Variants in SLC6A3 observed in about 807,000 individuals in gnomAD.
SLC6A3 encodes the protein solute carrier family 6 member 3, also known as sodium-dependent dopamine transporter.
A neutral mutation model predicts 70.4 loss-of-function variants in SLC6A3; 19 were observed. That is an observed-to-expected ratio of 0.27 (90% CI 0.19 to 0.40). The LOEUF is 0.40. Among genes scored for constraint, SLC6A3 ranks in the 10% least tolerant of loss-of-function variants. SLC6A3 has a pLI of 1.00. For missense variants in SLC6A3, 613 were observed against 838.5 expected (o/e 0.73, Z 3.32); for synonymous variants, 368 against 356.6 (o/e 1.03, Z -0.36).
At position 1,404,803 on chromosome 5, in the gene SLC6A3, C is replaced by T. The variant is rs190438788; in HGVS notation, c.1599+1385G>A. Among the ~76,000 whole-genome samples the T allele has an allele frequency of 3.9e-5, 6 of 152,338 alleles. No individual in the cohort carries two copies. The highest frequency in any genetic ancestry group is 2.6e-4 in the Admixed American group (4 of 15,310). On this transcript the variant is annotated intron_variant, in intron 12 of 14. Coordinates refer to ENST00000270349, the MANE Select transcript of SLC6A3 (RefSeq NM_001044.5). The surrounding 1 kb of genome is among the most constrained non-coding windows in gnomAD (Gnocchi z 5.2). ...AACTTGGCAAAATGAAGTCCTGTTT[C>T]GTATAGTTTGTAGTTTTATCTAAAA...
At chr5:1,425,676 T>C (rs1174872221) in intron 4 of SLC6A3, among the ~76,000 whole-genome samples, 1 of 152,184 alleles carries the variant, frequency 6.6e-6, no homozygotes, top group Non-Finnish European at 1.5e-5. Context: ...CATCAAAATT[T>C]AAAACTTTTG....
rs553916462 is a variant in SLC6A3, at chr5:1,435,266, T to A, written c.419-2568A>T. On this transcript the variant is annotated intron_variant, in intron 3 of 14. Coordinates refer to ENST00000270349, the MANE Select transcript of SLC6A3 (RefSeq NM_001044.5). ...GCCAGGTTGGGAGCCACACTGTCGGTGAGCCACATTGTTTCCAGAGAGCAC... is the reference window on the plus strand; with the variant it reads ...GCCAGGTTGGGAGCCACACTGTCGGAGAGCCACATTGTTTCCAGAGAGCAC... Among the ~76,000 whole-genome samples, 170 of 152,322 alleles carry A rather than the reference T, an allele frequency of 1.1e-3. 2 individuals are homozygous for A. Among genetic ancestry groups the A allele is most frequent in the Middle Eastern group, 3.4e-3 (1 of 294 alleles).
At position 1,406,096 on chromosome 5, in the gene SLC6A3, C is replaced by T; in HGVS notation, c.1599+92G>A. ...AGGCCCCTGACTCCAGCCACAGTGA[C>T]AACCCACATGCGGGCGCTGGACCTC... On this transcript the variant is annotated intron_variant, in intron 12 of 14. Coordinates refer to ENST00000270349, the MANE Select transcript of SLC6A3 (RefSeq NM_001044.5). The surrounding 1 kb of genome is among the most constrained non-coding windows in gnomAD (Gnocchi z 8.8). 1 of 901,842 alleles carries T rather than the reference C, an allele frequency of 1.1e-6. No homozygotes were observed. The highest frequency in any genetic ancestry group is 1.9e-6 in the Non-Finnish European group (1 of 535,644). 55.9% of individuals were successfully genotyped at this position (901,842 alleles called of 1,614,324 possible). A position where few individuals can be genotyped will look rare whatever the true frequency, so the allele number is the denominator to read the frequency against.
chr5:1,415,966 G>T, intron 7 of SLC6A3, 132 bp downstream of exon 7: 1 of 725,790 alleles, frequency 1.4e-6, no homozygotes, highest in Non-Finnish European at 2.5e-6. Context: ...CTGTCTGAAA[G>T]GCCACGCAGC....
chr5:1,416,694 C>T (rs190999831), intron 6 of SLC6A3: 22 of 264,522 alleles, frequency 8.3e-5, no homozygotes, highest in Admixed American at 1.0e-4. Flanking sequence ...CATCCACACA[C>T]GGCATGACCG....
rs551874212 is a variant in SLC6A3 at position 1,422,899 on chromosome 5, G to A, written c.654-885C>T. Among the ~76,000 whole-genome samples the A allele has an allele frequency of 4.0e-3, 251 of 62,890 alleles. 10 individuals are homozygous for A. Among genetic ancestry groups the A allele is most frequent in the African/African-American group, 0.016 (227 of 13,834 alleles). 41.3% of individuals were successfully genotyped at this position (62,890 alleles called of 152,430 possible). Reference sequence around the variant, plus strand: ...CTGGGTGCCCACCGCTGCCCACAGTGCTGCCCATGGTGCTGGGTACCCACC... The same window carrying A: ...CTGGGTGCCCACCGCTGCCCACAGTACTGCCCATGGTGCTGGGTACCCACC... On this transcript the variant is annotated intron_variant, in intron 4 of 14. Coordinates refer to ENST00000270349, the MANE Select transcript of SLC6A3 (RefSeq NM_001044.5).
chr5:1,435,577 C>T (rs751308510), intron 3 of SLC6A3, among the ~76,000 whole-genome samples: 10 of 152,264 alleles, frequency 6.6e-5, no homozygotes, highest in Non-Finnish European at 1.0e-4. Flanking sequence ...ACTGGCCACA[C>T]TGGCTGATGC....
chr5:1,443,294 G>A (rs1208012018), intron 1 of SLC6A3, 52 bp from the exon 2 acceptor site: 116 of 1,402,002 alleles, frequency 8.3e-5, no homozygotes, highest in Middle Eastern at 2.1e-4. Flanking sequence ...CAATTCAGCA[G>A]CCAGGGCTAG....
intron 6 of SLC6A3, among the ~76,000 whole-genome samples, chr5:1,416,807 C>T (rs1756307232): frequency 6.6e-6 from 1 of 152,024 alleles, no homozygotes; most frequent in African/African-American, 2.4e-5. Flanking sequence ...CCACACACAA[C>T]ATGACCGCAG....
At chr5:1,434,926 C>T (rs183107831) in intron 3 of SLC6A3, among the ~76,000 whole-genome samples, 5 of 152,294 alleles carry the variant, frequency 3.3e-5, no homozygotes, top group African/African-American at 1.2e-4. Context: ...CGGGTAATCC[C>T]CCTTGGAAAG....
intron 6 of SLC6A3, chr5:1,416,568 CGG>C: frequency 2.6e-6 from 1 of 389,084 alleles, no homozygotes. Flanking sequence ...CGGAACAGCA[CGG>C]CCTCATCTAC....
chr5:1,404,590 C>G lies in SLC6A3; in HGVS notation c.1600-1501G>C, dbSNP rs1368314073. On this transcript the variant is annotated intron_variant, in intron 12 of 14. Coordinates refer to ENST00000270349, the MANE Select transcript of SLC6A3 (RefSeq NM_001044.5). The surrounding 1 kb of genome is among the most constrained non-coding windows in gnomAD (Gnocchi z 5.2). ...CTGCCACAGAGTCATCTGAACGAGACTGGGGCGTGTACACCCCTTACGACC... is the reference window on the plus strand; with the variant it reads ...CTGCCACAGAGTCATCTGAACGAGAGTGGGGCGTGTACACCCCTTACGACC... Among the ~76,000 whole-genome samples the G allele has an allele frequency of 6.6e-6, 1 of 152,238 alleles. No homozygotes were observed. The highest frequency in any genetic ancestry group is 1.5e-5 in the Non-Finnish European group (1 of 68,044).
intron 5 of SLC6A3, 118 bp from the exon 6 acceptor site, chr5:1,420,821 C>A (rs1756418478): frequency 1.9e-6 from 2 of 1,078,148 alleles, no homozygotes. Flanking sequence ...AGGCCCAATT[C>A]CCAAACATTT....
rs557205326 is a variant in SLC6A3 at position 1,394,738 on chromosome 5, C to A, written c.1860G>T (p.Val620=). ...RQFTLRHWLK[V] is the part of the protein sequence containing the mutation. ...GGGGTCTTCGTCTCTGCTCCCTCTA[C>A]ACCTTGAGCCAGTGGCGGAGCTGGA... is the stretch of plus-strand genomic sequence containing the variant. Residue 620 remains valine, a synonymous_variant, in exon 15 of 15, where the codon GTG becomes GTT. Coordinates refer to ENST00000270349, the MANE Select transcript of SLC6A3 (RefSeq NM_001044.5). This position sits in a 1 kb window ranked among gnomAD's most constrained non-coding sequence, Gnocchi z 4.7. 6.2e-7 allele frequency: 1 copy of A among 1,614,154 alleles called. No individual in the cohort carries two copies. The highest frequency in any genetic ancestry group is 1.1e-5 in the South Asian group (1 of 91,088).
Position 1,401,185 on chromosome 5 carries a change from C to G in SLC6A3, c.1768-199G>C, listed in dbSNP as rs527935703. On this transcript the variant is annotated intron_variant, in intron 13 of 14. Coordinates refer to ENST00000270349, the MANE Select transcript of SLC6A3 (RefSeq NM_001044.5). The surrounding 1 kb of genome is among the most constrained non-coding windows in gnomAD (Gnocchi z 6.1). ...ACTGCCAGTGCCCATGCCGACCAGA[C>G]AGCCAGTCAGGCCCGAAGCCAACAT... 19 of 700,606 alleles carry G rather than the reference C, an allele frequency of 2.7e-5. No homozygotes were observed. The highest frequency in any genetic ancestry group is 5.2e-5 in the African/African-American group (3 of 57,246). 43.4% of individuals were successfully genotyped at this position (700,606 alleles called of 1,614,324 possible).
chr5:1,422,391 TG>T (rs1756462429), intron 4 of SLC6A3, among the ~76,000 whole-genome samples: 1 of 146,924 alleles, frequency 6.8e-6, no homozygotes, highest in Admixed American at 6.8e-5. Context: ...CCCAAGGTGC[TG>T]GGTGCCCACC....
At chr5:1,416,037 G>A in intron 7 of SLC6A3, 61 bp downstream of exon 7, 2 of 1,264,698 alleles carry the variant, frequency 1.6e-6, no homozygotes, top group South Asian at 1.2e-5. Context: ...CCTATTTCTG[G>A]AAGTCAGCGA....
chr5:1,410,798 CTGTGTGTA>C (rs1373315336), intron 9 of SLC6A3, among the ~76,000 whole-genome samples: 1 of 151,956 alleles, frequency 6.6e-6, no homozygotes, highest in Non-Finnish European at 1.5e-5. Context: ...GCATGCATGT[CTGTGTGTA>C]TGTGTGTGTG....
At chr5:1,429,980 T>C (rs1049755956) in intron 4 of SLC6A3, among the ~76,000 whole-genome samples, 1 of 152,182 alleles carries the variant, frequency 6.6e-6, no homozygotes, top group Non-Finnish European at 1.5e-5. Context: ...ATTTGGACAA[T>C]TTTATCATTT....
Sources: gnomAD v4.1 joint callset for allele counts (sites outside exome capture counted in the v4.1 genomes callset) on GRCh38, gnomAD v4.1.1 for gene constraint, Gnocchi (gnomAD v3.1) non-coding constraint, MANE v1.5 for transcripts, NCBI Gene and HGNC (gene_info 2026-07-23, HGNC 2026-07-21) for gene names.